RBM47: variants seen among roughly 807,000 people sequenced by gnomAD.
RBM47 encodes the protein RNA binding motif protein 47, also known as RNA-binding protein 47.
Under a neutral mutation model 47.1 loss-of-function variants are expected in RBM47, and 21 were observed. That is an observed-to-expected ratio of 0.45 (90% CI 0.32 to 0.64). The LOEUF (loss-of-function observed/expected upper bound fraction) is 0.64, where lower values mean the gene tolerates loss of function less well. RBM47 is among the 30% of genes least tolerant of loss of function. The pLI is 0.05. For synonymous variants in RBM47, 375 were observed against 361.7 expected (o/e 1.04, Z -0.42); for missense variants, 708 against 870.9 (o/e 0.81, Z 2.35).
intron 3 of RBM47, among the ~76,000 whole-genome samples, chr4:40,453,951 A>G (rs1308333375): frequency 6.6e-6 from 1 of 152,144 alleles, no homozygotes; most frequent in Non-Finnish European, 1.5e-5. Context: ...ACGTATGTGT[A>G]ATTTGATTTC....
chr4:40,480,001 G>A (rs563296000), intron 2 of RBM47, among the ~76,000 whole-genome samples: 1 of 133,398 alleles, frequency 7.5e-6, no homozygotes, highest in Non-Finnish European at 1.6e-5. Flanking sequence ...TTTTGAGACG[G>A]AGTCTTATTC....
intron 2 of RBM47, among the ~76,000 whole-genome samples, chr4:40,497,290 T>C (rs1313086577): frequency 6.6e-6 from 1 of 152,120 alleles, no homozygotes; most frequent in Non-Finnish European, 1.5e-5. Flanking sequence ...ATCCTTCTAA[T>C]ATCCTGCCAT....
intron 1 of RBM47, among the ~76,000 whole-genome samples, chr4:40,555,176 A>G (rs1350880920): frequency 6.6e-6 from 1 of 152,142 alleles, no homozygotes; most frequent in Non-Finnish European, 1.5e-5. Flanking sequence ...ACCTCAGGCA[A>G]TCCACCCGCC....
chr4:40,437,715 C>A, intron 4 of RBM47, 56 bp downstream of exon 4: 1 of 1,495,650 alleles, frequency 6.7e-7, no homozygotes, highest in South Asian at 1.2e-5. Flanking sequence ...CTGGTGCCCC[C>A]TGCCTAGGAG....
At chr4:40,507,191 AGGT>A (rs1724222299) in intron 2 of RBM47, among the ~76,000 whole-genome samples, 2 of 152,010 alleles carry the variant, frequency 1.3e-5, no homozygotes, top group Non-Finnish European at 2.9e-5. Flanking sequence ...TCCTAACCTC[AGGT>A]GATCTGCCAG....
intron 5 of RBM47, among the ~76,000 whole-genome samples, chr4:40,434,005 GTGTGTGTGTGT>G (rs1711852097): frequency 4.5e-5 from 3 of 66,004 alleles, no homozygotes; most frequent in African/African-American, 6.9e-5. Flanking sequence ...GGGCGGGGGT[GTGTGTGTGTGT>G]GTGTGTGTGT....
chr4:40,529,245 G>A lies in RBM47; in HGVS notation c.-155+15177C>T, dbSNP rs888712970. Among the ~76,000 whole-genome samples the A allele has an allele frequency of 8.6e-5, 13 of 151,836 alleles. No homozygotes were observed. The South Asian group carries it at 1.5e-3, about 17-fold the overall frequency. On this transcript the variant is annotated intron_variant, in intron 2 of 6. Coordinates refer to ENST00000295971, the MANE Select transcript of RBM47 (RefSeq NM_001098634.2). ...AATGTGGCTGGGCGAGGTGGCTCAC[G>A]CCTGTAATCCCAACACTTTGGGGAG...
chr4:40,424,825 T>TA lies in RBM47; in HGVS notation c.*1078_*1079insT, dbSNP rs1386169568. On this transcript the variant is annotated 3_prime_UTR_variant, in exon 7 of 7. Transcript: ENST00000295971. ...TTCTTTGTCCCTACAAACTCATACTTCAAAAATGAATAAAAGCATTAGAAA... is the reference window on the plus strand; with the variant it reads ...TTCTTTGTCCCTACAAACTCATACTTACAAAAATGAATAAAAGCATTAGAAA... 6.6e-6 allele frequency: 1 copy of TA among 152,026 alleles called. No homozygotes were observed. Among genetic ancestry groups the TA allele is most frequent in the Non-Finnish European group, 1.5e-5 (1 of 67,998 alleles). The allele number at this position is 152,026 out of a possible 1,614,324, so 9.4% of individuals were successfully genotyped here.
chr4:40,594,613 CTT>C (rs1007806723), intron 1 of RBM47, among the ~76,000 whole-genome samples: 1 of 152,192 alleles, frequency 6.6e-6, no homozygotes, highest in Non-Finnish European at 1.5e-5. Context: ...GAGCCACTCT[CTT>C]GTCTCTGTTC....
intron 1 of RBM47, among the ~76,000 whole-genome samples, chr4:40,572,518 T>C (rs1305947929): frequency 1.3e-5 from 2 of 152,116 alleles, no homozygotes; most frequent in Non-Finnish European, 1.5e-5. Flanking sequence ...TTTACTTGCA[T>C]AGCATTAAAA....
intron 2 of RBM47, among the ~76,000 whole-genome samples, chr4:40,487,358 C>A (rs1332935646): frequency 6.6e-6 from 1 of 152,068 alleles, no homozygotes; most frequent in African/African-American, 2.4e-5. Flanking sequence ...TGCAGTGGCG[C>A]GATCTCGGCT....
intron 1 of RBM47, among the ~76,000 whole-genome samples, chr4:40,569,340 G>A (rs998916756): frequency 7.2e-5 from 11 of 151,848 alleles, no homozygotes; most frequent in Non-Finnish European, 1.2e-4. Context: ...CACCAACAAC[G>A]GAAGCCAAAA....
At chr4:40,530,669 C>A (rs540480264) in intron 2 of RBM47, among the ~76,000 whole-genome samples, 2 of 152,310 alleles carry the variant, frequency 1.3e-5, no homozygotes, top group African/African-American at 4.8e-5. Context: ...CTGGACATCA[C>A]AGGTCTAAAA....
At position 40,610,566 on chromosome 4, in the gene RBM47, C is replaced by T. The variant is rs549570931; in HGVS notation, c.-240+18830G>A. Among the ~76,000 whole-genome samples the T allele has an allele frequency of 3.3e-4, 49 of 147,198 alleles. No individual in the cohort carries two copies. The South Asian group carries it at 8.8e-3, about 27-fold the overall frequency. On this transcript the variant is annotated intron_variant, in intron 1 of 6. Coordinates refer to ENST00000295971, the MANE Select transcript of RBM47 (RefSeq NM_001098634.2). ...TGGAGCTTGCAGTGAGCCGAGATCG[C>T]GCCACTGCACTCCAGCCTGGGGCGA...
chr4:40,510,323 C>T (rs553956685), intron 2 of RBM47, among the ~76,000 whole-genome samples: 1 of 152,148 alleles, frequency 6.6e-6, no homozygotes, highest in Non-Finnish European at 1.5e-5. Flanking sequence ...TATTTCTCAC[C>T]ATTGTCTGCC....
chr4:40,507,986 A>G (rs1389989048), intron 2 of RBM47, among the ~76,000 whole-genome samples: 1 of 152,170 alleles, frequency 6.6e-6, no homozygotes, highest in African/African-American at 2.4e-5. Flanking sequence ...GAATAGCTTC[A>G]ACCCGGGAGG....
intron 1 of RBM47, among the ~76,000 whole-genome samples, chr4:40,583,388 GAAAAAAAAAAAAAAAAA>G (rs56371832): frequency 1.1e-5 from 1 of 91,102 alleles, no homozygotes; most frequent in South Asian, 3.9e-4. Context: ...CTCCATCTCA[GAAAAAAAAAAAAAAAAA>G]AAAAAAAAAG....
intron 5 of RBM47, among the ~76,000 whole-genome samples, chr4:40,434,803 T>C (rs1712069880): frequency 6.6e-6 from 1 of 151,946 alleles, no homozygotes; most frequent in African/African-American, 2.4e-5. Context: ...TGTGTACCTA[T>C]GTCCCAAATG....
chr4:40,574,480 T>C (rs1732103738), intron 1 of RBM47, among the ~76,000 whole-genome samples: 1 of 152,184 alleles, frequency 6.6e-6, no homozygotes, highest in Admixed American at 6.5e-5. Flanking sequence ...ATTCTGTAGG[T>C]ATGTTTTAGA....
Sources: gnomAD v4.1 joint callset for allele counts (sites outside exome capture counted in the v4.1 genomes callset) on GRCh38, gnomAD v4.1.1 for gene constraint, MANE v1.5 for transcripts, NCBI Gene and HGNC (gene_info 2026-07-23, HGNC 2026-07-21) for gene names.